Variants in MMS22L observed in about 807,000 individuals in gnomAD.
MMS22L encodes the protein MMS22 like, DNA repair protein.
A neutral mutation model predicts 159.1 loss-of-function variants in MMS22L; 74 were observed. That is an observed-to-expected ratio of 0.47 (90% CI 0.39 to 0.56). The LOEUF (loss-of-function observed/expected upper bound fraction) is 0.56, where lower values mean the gene tolerates loss of function less well. Ranked by LOEUF, MMS22L falls within the 20% of genes least tolerant of loss-of-function variation. MMS22L has a pLI of 0.00. For missense variants in MMS22L, 1,351 were observed against 1,422.1 expected (o/e 0.95, Z 0.80); for synonymous variants, 517 against 506.9 (o/e 1.02, Z -0.27).
intron 15 of MMS22L, among the ~76,000 whole-genome samples, chr6:97,182,693 C>T (rs1045231697): frequency 6.6e-5 from 10 of 152,154 alleles, no homozygotes; most frequent in East Asian, 1.9e-4. Flanking sequence ...CTTTCTGAAA[C>T]GGGGTGGCTG....
rs1226511921 is a variant in MMS22L, at chr6:97,179,446, T to A, written c.2498A>T (p.Asp833Val). The change falls in exon 17 of 25, where the codon GAT becomes GTT. Residue 833 changes from aspartate (D) to valine (V), a missense_variant. Coordinates refer to ENST00000683635, the MANE Select transcript of MMS22L (RefSeq NM_001350599.2). Reference sequence around the variant, plus strand: ...CAGATTTTTATCTATGAGCAAATCATCAGGCCCAGAGAGGTTTTTAATATA... The same window carrying A: ...CAGATTTTTATCTATGAGCAAATCAACAGGCCCAGAGAGGTTTTTAATATA... ...QMYIKNLSGP[D>V]DLLIDKNLEE... The A allele has an allele frequency of 6.2e-7, 1 of 1,612,584 alleles. No homozygotes were observed. Among genetic ancestry groups the A allele is most frequent in the African/African-American group, 1.3e-5 (1 of 74,876 alleles).
At position 97,170,644 on chromosome 6, in the gene MMS22L, C is replaced by T. The variant is rs933669427; in HGVS notation, c.2840-2404G>A. Among the ~76,000 whole-genome samples, 7 of 152,186 alleles carry T rather than the reference C, an allele frequency of 4.6e-5. No homozygotes were observed. In the South Asian group the frequency reaches 8.3e-4, roughly 18 times the overall value. On this transcript the variant is annotated intron_variant, in intron 19 of 24. Coordinates refer to ENST00000683635, the MANE Select transcript of MMS22L (RefSeq NM_001350599.2). ...TGTATTTTGCCTACTTTCTACCCTACGTAAAAATTGGGATCACTACAATAT... is the reference window on the plus strand; with the variant it reads ...TGTATTTTGCCTACTTTCTACCCTATGTAAAAATTGGGATCACTACAATAT...
chr6:97,254,839 C>A (rs952177946), intron 9 of MMS22L, 106 bp from the exon 10 acceptor site: 8 of 828,998 alleles, frequency 9.7e-6, no homozygotes, highest in Non-Finnish European at 1.4e-5. Context: ...AAAGACAAAA[C>A]ACATATATAA....
intron 20 of MMS22L, 99 bp downstream of exon 20, chr6:97,167,972 T>C (rs1803141424): frequency 2.0e-6 from 2 of 1,002,332 alleles, no homozygotes; most frequent in African/African-American, 1.7e-5. Flanking sequence ...TTTGAGATTA[T>C]AATGTACAGT....
chr6:97,160,844 T>C (rs1802368673), intron 22 of MMS22L, among the ~76,000 whole-genome samples: 1 of 151,990 alleles, frequency 6.6e-6, no homozygotes, highest in African/African-American at 2.4e-5. Context: ...ATTTTCAAGT[T>C]TGCTAATTCT....
chr6:97,187,577 AT>A (rs916183540), intron 14 of MMS22L, among the ~76,000 whole-genome samples: 10 of 151,042 alleles, frequency 6.6e-5, no homozygotes, highest in African/African-American at 1.5e-4. Context: ...TTACATTTGC[AT>A]TTTTTTTTCA....
At chr6:97,234,494 C>G (rs1416174226) in intron 11 of MMS22L, among the ~76,000 whole-genome samples, 1 of 152,076 alleles carries the variant, frequency 6.6e-6, no homozygotes, top group Non-Finnish European at 1.5e-5. Context: ...AACATAGATG[C>G]TTTTTCTATG....
At chr6:97,206,779 C>T (rs1354798996) in intron 14 of MMS22L, among the ~76,000 whole-genome samples, 2 of 151,996 alleles carry the variant, frequency 1.3e-5, no homozygotes, top group African/African-American at 2.4e-5. Context: ...TCATAAGGAC[C>T]ATATCAAATT....
intron 23 of MMS22L, among the ~76,000 whole-genome samples, chr6:97,151,068 T>G (rs778116338): frequency 6.6e-6 from 1 of 152,168 alleles, no homozygotes; most frequent in Non-Finnish European, 1.5e-5. Flanking sequence ...CAGTGACATG[T>G]ACTTCTACAA....
intron 14 of MMS22L, among the ~76,000 whole-genome samples, chr6:97,187,857 A>G (rs1369630326): frequency 2.0e-5 from 3 of 152,196 alleles, no homozygotes; most frequent in Non-Finnish European, 4.4e-5. Flanking sequence ...GTGAGTAAAA[A>G]TTCTAAGTAT....
intron 10 of MMS22L, among the ~76,000 whole-genome samples, chr6:97,249,170 A>G (rs1812977121): frequency 6.6e-6 from 1 of 152,120 alleles, no homozygotes; most frequent in African/African-American, 2.4e-5. Flanking sequence ...AATTATGAAC[A>G]TTGAGGCTTG....
chr6:97,182,010 C>G lies in MMS22L; in HGVS notation c.2278G>C (p.Asp760His). 6.2e-7 allele frequency: 1 copy of G among 1,613,730 alleles called. No homozygotes were observed. The highest frequency in any genetic ancestry group is 8.5e-7 in the Non-Finnish European group (1 of 1,179,764). ...GATATAACTGGCTGAGGCTGAAAAT[C>G]TGATGGAGCTGTGCTTGGCATGTCC... ...AMDMPSTAPSDFQPQPVISII... is the reference protein window; with the variant it reads ...AMDMPSTAPSHFQPQPVISII... Residue 760 changes from aspartate to histidine, a missense_variant, in exon 16 of 25, where the codon GAT (aspartate) becomes CAT (histidine). Asp to His is a moderately conservative substitution (Grantham distance 81, BLOSUM62 -1). Coordinates refer to ENST00000683635, the MANE Select transcript of MMS22L (RefSeq NM_001350599.2).
At chr6:97,159,997 T>C (rs996513618) in intron 22 of MMS22L, among the ~76,000 whole-genome samples, 4 of 134,142 alleles carry the variant, frequency 3.0e-5, no homozygotes, top group African/African-American at 1.1e-4. Flanking sequence ...TGAGTTGCCA[T>C]GTGGAGTCCT....
chr6:97,147,006 A>G, intron 24 of MMS22L, 119 bp from the exon 25 acceptor site: 1 of 630,904 alleles, frequency 1.6e-6, no homozygotes, highest in Non-Finnish European at 2.7e-6. Flanking sequence ...CCATCCATCC[A>G]GCAGGCTTAG....
At chr6:97,185,859 TA>T (rs1302109450) in intron 15 of MMS22L, among the ~76,000 whole-genome samples, 1 of 152,118 alleles carries the variant, frequency 6.6e-6, no homozygotes, top group African/African-American at 2.4e-5. Flanking sequence ...CAATACTTCT[TA>T]ACATATTTTG....
intron 4 of MMS22L, among the ~76,000 whole-genome samples, chr6:97,277,948 C>T (rs772543823): frequency 2.4e-4 from 36 of 152,148 alleles, no homozygotes; most frequent in Non-Finnish European, 4.3e-4. Context: ...GCACTTAACA[C>T]GCTCAACAAA....
intron 12 of MMS22L, among the ~76,000 whole-genome samples, chr6:97,232,798 AT>A (rs1183644650): frequency 2.0e-5 from 3 of 152,100 alleles, no homozygotes; most frequent in African/African-American, 7.2e-5. Flanking sequence ...TCCAAACATT[AT>A]TTACTTGTAA....
At chr6:97,177,049 A>AAC (rs1261753886) in intron 18 of MMS22L, among the ~76,000 whole-genome samples, 1 of 152,116 alleles carries the variant, frequency 6.6e-6, no homozygotes, top group Non-Finnish European at 1.5e-5. Flanking sequence ...CTTTTAGTCA[A>AAC]ACACAGCATT....
In MMS22L at chr6:97,248,803, G is replaced by T. The variant is rs540238648; in HGVS notation, c.1120-2113C>A. ...GAACCCAGGAGGCAGAGGTTGCAGTGAGCAGAGATCGTGCCATTGCACTCC... is the reference window on the plus strand; with the variant it reads ...GAACCCAGGAGGCAGAGGTTGCAGTTAGCAGAGATCGTGCCATTGCACTCC... On this transcript the variant is annotated intron_variant, in intron 10 of 24. Coordinates refer to ENST00000683635, the MANE Select transcript of MMS22L (RefSeq NM_001350599.2). Among the ~76,000 whole-genome samples, 4 of 151,918 alleles carry T rather than the reference G, an allele frequency of 2.6e-5. No individual in the cohort carries two copies. The South Asian group carries it at 8.3e-4, about 32-fold the overall frequency.
Sources: gnomAD v4.1 joint callset for allele counts (sites outside exome capture counted in the v4.1 genomes callset) on GRCh38, gnomAD v4.1.1 for gene constraint, MANE v1.5 for transcripts, NCBI Gene and HGNC (gene_info 2026-07-23, HGNC 2026-07-21) for gene names.